Variants in NOX4 observed in about 807,000 individuals in gnomAD.
NOX4 encodes NADPH oxidase 4.
NOX4 carries 69 observed loss-of-function variants against 87.6 expected under a neutral mutation model. That is an observed-to-expected ratio of 0.79 (90% CI 0.65 to 0.96). NOX4 has a LOEUF of 0.96. NOX4 is among the 40% of genes least tolerant of loss of function. The probability of loss-of-function intolerance (pLI) is 0.00; values close to 1 mark genes in which losing one functional copy is unlikely to be tolerated. For missense variants in NOX4, 680 were observed against 681.5 expected, an observed-to-expected ratio of 1.00 and a Z score of 0.02; for synonymous variants, 275 against 238.2, an observed-to-expected ratio of 1.15 and a Z score of -1.42.
At chr11:89,366,758 T>C (rs564248682) in intron 12 of NOX4, among the ~76,000 whole-genome samples, 4 of 152,084 alleles carry the variant, frequency 2.6e-5, no homozygotes, top group African/African-American at 9.6e-5. Flanking sequence ...AATTTGGTAT[T>C]TACTCCTATG....
intron 1 of NOX4, 149 bp downstream of exon 1, chr11:89,491,041 T>C (rs1946831557): frequency 1.2e-6 from 1 of 838,618 alleles, no homozygotes. Flanking sequence ...TGTTCATTGT[T>C]ATCTCCAGCA....
the NOX4 span, among the ~76,000 whole-genome samples, chr11:89,538,862 C>A: frequency 6.6e-6 from 1 of 152,046 alleles, no homozygotes; most frequent in Non-Finnish European, 1.5e-5. Flanking sequence ...CATATACTGA[C>A]ACCCTAACTC....
chr11:89,462,342 GT>G (rs1405793194), intron 2 of NOX4, among the ~76,000 whole-genome samples: 1 of 152,002 alleles, frequency 6.6e-6, no homozygotes, highest in East Asian at 1.9e-4. Context: ...ACTCCAATAG[GT>G]TTTCTTCATA....
chr11:89,418,238 T>A (rs1942887818), intron 8 of NOX4, among the ~76,000 whole-genome samples: 1 of 151,586 alleles, frequency 6.6e-6, no homozygotes, highest in African/African-American at 2.4e-5. Flanking sequence ...CAAGAACATT[T>A]AGTTTGGTGT....
intron 10 of NOX4, 39 bp from the exon 11 acceptor site, chr11:89,400,118 T>G (rs1305438276): frequency 2.5e-6 from 4 of 1,577,454 alleles, no homozygotes; most frequent in Non-Finnish European, 1.7e-6. Flanking sequence ...AATGACCAAT[T>G]AAGAATTTCA....
intron 11 of NOX4, among the ~76,000 whole-genome samples, chr11:89,392,377 G>C (rs1353544271): frequency 6.6e-6 from 1 of 152,058 alleles, no homozygotes; most frequent in African/African-American, 2.4e-5. Flanking sequence ...CAACCCATAG[G>C]GAGGCTCCAG....
At chr11:89,448,716 T>C (rs953271975) in intron 4 of NOX4, among the ~76,000 whole-genome samples, 5 of 151,660 alleles carry the variant, frequency 3.3e-5, no homozygotes, top group African/African-American at 7.3e-5. Context: ...AGCCCGTCTC[T>C]ACAAAAAAAT....
chr11:89,473,591 A>T (rs1464141910), intron 2 of NOX4, among the ~76,000 whole-genome samples: 1 of 152,132 alleles, frequency 6.6e-6, no homozygotes, highest in Non-Finnish European at 1.5e-5. Context: ...CAATATAAAG[A>T]TCTTTTTCTC....
chr11:89,523,723 A>G, the NOX4 span, among the ~76,000 whole-genome samples: 1 of 152,222 alleles, frequency 6.6e-6, no homozygotes, highest in African/African-American at 2.4e-5. Context: ...AAGCAATTCA[A>G]TACTCCATCA....
intron 7 of NOX4, among the ~76,000 whole-genome samples, chr11:89,431,356 G>A (rs1440017619): frequency 6.6e-6 from 1 of 152,056 alleles, no homozygotes; most frequent in African/African-American, 2.4e-5. Flanking sequence ...TTGAAAATGG[G>A]ATCTAATTAA....
chr11:89,550,452 C>T, the NOX4 span, among the ~76,000 whole-genome samples: 3 of 152,292 alleles, frequency 2.0e-5, no homozygotes, highest in South Asian at 6.2e-4. Flanking sequence ...TCCCATAATG[C>T]TGGGATTACA....
At chr11:89,535,605 C>T in the NOX4 span, among the ~76,000 whole-genome samples, 2 of 152,062 alleles carry the variant, frequency 1.3e-5, no homozygotes, top group South Asian at 2.1e-4. Flanking sequence ...CTCTCCTTTC[C>T]TTTCTCTACT....
intron 2 of NOX4, among the ~76,000 whole-genome samples, chr11:89,454,023 A>G (rs2135395227): frequency 6.6e-6 from 1 of 152,274 alleles, no homozygotes; most frequent in Non-Finnish European, 1.5e-5. Context: ...TTCTTTTATC[A>G]TTAAAGAAAG....
At chr11:89,514,028 C>A in the NOX4 span, among the ~76,000 whole-genome samples, 2 of 152,002 alleles carry the variant, frequency 1.3e-5, no homozygotes, top group Non-Finnish European at 2.9e-5. Context: ...AAATAAATTT[C>A]TATTCATTAT....
At chr11:89,420,285 T>C (rs978765331) in intron 8 of NOX4, among the ~76,000 whole-genome samples, 1 of 152,144 alleles carries the variant, frequency 6.6e-6, no homozygotes, top group Admixed American at 6.6e-5. Context: ...TTTGAATTTA[T>C]ACTTAGCATA....
At chr11:89,584,576 A>C in the NOX4 span, among the ~76,000 whole-genome samples, 1 of 152,190 alleles carries the variant, frequency 6.6e-6, no homozygotes, top group African/African-American at 2.4e-5. Context: ...AAATCCAAAC[A>C]GTTTGAATGT....
At chr11:89,329,356 GAAAAA>G (rs377055666) in intron 17 of NOX4, among the ~76,000 whole-genome samples, 6 of 34,720 alleles carry the variant, frequency 1.7e-4, no homozygotes, top group African/African-American at 7.9e-4. Flanking sequence ...GAAAAAAACT[GAAAAA>G]AAAAAAAAAA....
chr11:89,542,500 T>C, the NOX4 span, among the ~76,000 whole-genome samples: 1 of 152,216 alleles, frequency 6.6e-6, no homozygotes, highest in Non-Finnish European at 1.5e-5. Context: ...TGTGAGCCAA[T>C]ATGCATTCTT....
At chr11:89,536,641 A>G in the NOX4 span, among the ~76,000 whole-genome samples, 11 of 152,226 alleles carry the variant, frequency 7.2e-5, no homozygotes, top group Admixed American at 7.2e-4. Context: ...CACTACTTCC[A>G]TTGCCAGTAG....
Sources: gnomAD v4.1 joint callset for allele counts (sites outside exome capture counted in the v4.1 genomes callset) on GRCh38, gnomAD v4.1.1 for gene constraint, MANE v1.5 for transcripts, NCBI Gene and HGNC (gene_info 2026-07-23, HGNC 2026-07-21) for gene names.